Variants in STRIP2 observed in about 807,000 individuals in gnomAD.
STRIP2 encodes the protein striatin interacting protein 2, also known as striatin-interacting protein 2.
In STRIP2, 84 loss-of-function variants were observed where a neutral mutation model predicts 107.1. That is an observed-to-expected ratio of 0.78 (90% CI 0.66 to 0.94). The LOEUF is 0.94. STRIP2 is among the 40% of genes least tolerant of loss of function. The pLI, the probability that STRIP2 is intolerant of heterozygous loss-of-function variation, is 0.00. For synonymous variants in STRIP2, 394 were observed against 400.4 expected, an observed-to-expected ratio of 0.98 and a Z score of 0.19; for missense variants, 888 against 1,034.2, an observed-to-expected ratio of 0.86 and a Z score of 1.94.
At chr7:129,474,928 T>A (rs574128759) in intron 18 of STRIP2, among the ~76,000 whole-genome samples, 145 of 152,372 alleles carry the variant, frequency 9.5e-4, no homozygotes, top group African/African-American at 3.0e-3. Context: ...AATGGCATAT[T>A]AATTTCTGAA....
Position 129,463,039 on chromosome 7 carries a change from T to TG in STRIP2, c.1551+1dup. On this transcript the variant is annotated frameshift_variant and splice_region_variant, in exon 14 of 21. Transcript: ENST00000249344. LOFTEE classifies it high-confidence loss of function. The stretch of plus-strand genomic sequence containing the variant: ...ATGCTGTACAGCCTTCCGCAGTATA[T>TG]GGTAAGGAGATGGCTAGGCCAGAGC... The TG allele has an allele frequency of 6.2e-7, 1 of 1,612,236 alleles. No individual in the cohort carries two copies. The highest frequency in any genetic ancestry group is 1.1e-5 in the South Asian group (1 of 90,890).
At chr7:129,436,053 C>T (rs1797729585) in intron 1 of STRIP2, among the ~76,000 whole-genome samples, 1 of 152,170 alleles carries the variant, frequency 6.6e-6, no homozygotes, top group African/African-American at 2.4e-5. Flanking sequence ...ATCTCCCTCC[C>T]TACTTCAAGA....
intron 3 of STRIP2, 55 bp downstream of exon 3, chr7:129,444,153 G>A: frequency 1.5e-6 from 2 of 1,326,434 alleles, no homozygotes; most frequent in East Asian, 2.3e-5. Context: ...TGATATACCA[G>A]CCTGATCTAG....
chr7:129,443,516 C>G (rs927879913), intron 2 of STRIP2, among the ~76,000 whole-genome samples: 1 of 152,164 alleles, frequency 6.6e-6, no homozygotes, highest in South Asian at 2.1e-4. Context: ...CTTCTATACC[C>G]TTTGAGGAAA....
intron 19 of STRIP2, among the ~76,000 whole-genome samples, 182 bp from the exon 20 acceptor site, chr7:129,482,660 G>A (rs1027024353): frequency 6.6e-6 from 1 of 151,990 alleles, no homozygotes; most frequent in Non-Finnish European, 1.5e-5. Context: ...TTACAGACAT[G>A]AGCCACCTTG....
chr7:129,467,617 T>G (rs1056234733), intron 17 of STRIP2, among the ~76,000 whole-genome samples, 167 bp downstream of exon 17: 7 of 152,200 alleles, frequency 4.6e-5, no homozygotes, highest in African/African-American at 1.7e-4. Context: ...GAGTGTATAG[T>G]TTTACTTCTT....
Position 129,471,360 on chromosome 7 carries a change from C to T in STRIP2, c.1944+645C>T, listed in dbSNP as rs115948603. Among the ~76,000 whole-genome samples the T allele has an allele frequency of 2.5e-3, 378 of 152,228 alleles. 1 individual carries two copies. Among genetic ancestry groups the T allele is most frequent in the African/African-American group, 8.9e-3 (369 of 41,526 alleles). ...TCCTTAGATAAGCCACAATCCATAC[C>T]TCCAGCCTGTTGCATTGTAATTATG... On this transcript the variant is annotated intron_variant, in intron 18 of 20. Transcript: ENST00000249344.
At chr7:129,481,494 C>A (rs986924165) in intron 19 of STRIP2, among the ~76,000 whole-genome samples, 3 of 150,466 alleles carry the variant, frequency 2.0e-5, no homozygotes, top group African/African-American at 7.4e-5. Context: ...GAGACTCCGT[C>A]TCAAAATAAT....
At chr7:129,477,786 G>A (rs1799010622) in intron 18 of STRIP2, 1 of 249,292 alleles carries the variant, frequency 4.0e-6, no homozygotes, top group Non-Finnish European at 8.0e-6. Context: ...GGTGGGTGAT[G>A]CCAGATGCAA....
At position 129,455,307 on chromosome 7, in the gene STRIP2, G is replaced by C. The variant is rs1798314080; in HGVS notation, c.770G>C (p.Cys257Ser). The change falls in exon 8 of 21, where the codon TGC becomes TCC. Residue 257 changes from cysteine (C) to serine (S), a missense_variant. Physicochemically the swap from Cys to Ser is moderately radical, Grantham distance 112. Coordinates refer to ENST00000249344, the MANE Select transcript of STRIP2 (RefSeq NM_020704.3). ...CTCTTCTCCATGGTTACCAAGTTCT[G>C]CAGTGGCCTGGCTCCTCACTTCCCC... ...LLLFSMVTKF[C>S]SGLAPHFPIK... 1 of 1,613,848 alleles carries C rather than the reference G, an allele frequency of 6.2e-7. No individual in the cohort carries two copies. The highest frequency in any genetic ancestry group is 1.3e-5 in the African/African-American group (1 of 74,890).
At chr7:129,476,731 T>C (rs1281127616) in intron 18 of STRIP2, among the ~76,000 whole-genome samples, 2 of 147,570 alleles carry the variant, frequency 1.4e-5, no homozygotes, top group African/African-American at 5.0e-5. Flanking sequence ...TCCCAGACGA[T>C]GGGCAGCCGG....
At chr7:129,459,631 G>T in intron 12 of STRIP2, 51 bp downstream of exon 12, 1 of 1,499,312 alleles carries the variant, frequency 6.7e-7, no homozygotes, top group Non-Finnish European at 9.3e-7. Flanking sequence ...ATCAAAGCAG[G>T]TCAGATTACC....
intron 16 of STRIP2, 99 bp downstream of exon 16, chr7:129,464,837 C>A: frequency 6.7e-7 from 1 of 1,483,628 alleles, no homozygotes. Flanking sequence ...TGATGAGCAT[C>A]TTTCAGCCTT....
At chr7:129,468,387 C>T (rs1384717327) in intron 17 of STRIP2, among the ~76,000 whole-genome samples, 1 of 152,160 alleles carries the variant, frequency 6.6e-6, no homozygotes, top group Non-Finnish European at 1.5e-5. Flanking sequence ...GACCTGGATT[C>T]GTGACCTGGA....
At chr7:129,439,982 C>T (rs751956854) in intron 1 of STRIP2, 40 bp from the exon 2 acceptor site, 4 of 1,561,236 alleles carry the variant, frequency 2.6e-6, no homozygotes, top group East Asian at 2.2e-5. Flanking sequence ...ACCCCTTTTT[C>T]CAAGTTATCC....
At position 129,483,801 on chromosome 7, in the gene STRIP2, G is replaced by C. The variant is rs1444634052; in HGVS notation, c.2254+755G>C. On this transcript the variant is annotated intron_variant, in intron 20 of 20. Transcript: ENST00000249344. The surrounding 1 kb of genome is among the most constrained non-coding windows in gnomAD (Gnocchi z 5.1). Reference sequence around the variant, plus strand: ...GCTCTGTCACCCAGGCTGGAAAGCAGTGACATGATAATGGCTCACTGCAGC... The same window carrying C: ...GCTCTGTCACCCAGGCTGGAAAGCACTGACATGATAATGGCTCACTGCAGC... 6.6e-6 allele frequency among the ~76,000 whole-genome samples: 1 copy of C among 152,162 alleles called. No individual in the cohort carries two copies. Among genetic ancestry groups the C allele is most frequent in the Non-Finnish European group, 1.5e-5 (1 of 68,036 alleles).
chr7:129,462,895 C>A, intron 13 of STRIP2, 71 bp from the exon 14 acceptor site: 2 of 1,302,946 alleles, frequency 1.5e-6, no homozygotes, highest in South Asian at 1.2e-5. Flanking sequence ...GGTCACCCCT[C>A]ACAACCAAGA....
chr7:129,458,543 G>A lies in STRIP2; in HGVS notation c.1274+93G>A. ...AGTCTATGTATTCAAGGCTCGTTAA[G>A]TTGGTCTGGCAGTCAGAACTCCTGG... On this transcript the variant is annotated intron_variant, in intron 10 of 20. Transcript: ENST00000249344. This position sits in a 1 kb window ranked among gnomAD's most constrained non-coding sequence, Gnocchi z 4.6. 7.7e-7 allele frequency: 1 copy of A among 1,292,632 alleles called. No individual in the cohort carries two copies. Among genetic ancestry groups the A allele is most frequent in the African/African-American group, 1.5e-5 (1 of 67,330 alleles). The allele number at this position is 1,292,632 out of a possible 1,614,324, so 80.1% of individuals were successfully genotyped here.
rs556287504 is a variant in STRIP2, at chr7:129,459,242, A to C, written c.1341-275A>C. Among the ~76,000 whole-genome samples the C allele has an allele frequency of 1.3e-3, 202 of 152,162 alleles. 1 individual carries two copies. Among genetic ancestry groups the C allele is most frequent in the Admixed American group, 3.1e-3 (48 of 15,286 alleles). ...TAGTCAAGGTGTCATTGGGCTATAT[A>C]CCCTTTTAAGTAGGAACCTACCACT... On this transcript the variant is annotated intron_variant, in intron 11 of 20. Coordinates refer to ENST00000249344, the MANE Select transcript of STRIP2 (RefSeq NM_020704.3).
Sources: allele counts gnomAD v4.1 joint callset (sites outside exome capture counted in the v4.1 genomes callset), GRCh38; gene constraint gnomAD v4.1.1; non-coding constraint Gnocchi (gnomAD v3.1); transcripts MANE v1.5; gene names NCBI Gene and HGNC (gene_info 2026-07-23, HGNC 2026-07-21).